OPCML: variants seen among roughly 807,000 people sequenced by gnomAD.
The protein encoded by OPCML is opioid-binding protein/cell adhesion molecule.
OPCML carries 13 observed loss-of-function variants against 37.8 expected under a neutral mutation model. The observed-to-expected ratio is 0.34, with a 90% CI of 0.22 to 0.55. The LOEUF is 0.55. Among genes scored for constraint, OPCML ranks in the 20% least tolerant of loss-of-function variants. The pLI is 0.91. For missense variants in OPCML, 341 were observed against 435.6 expected (o/e 0.78, Z 1.93); for synonymous variants, 176 against 168.8 (o/e 1.04, Z -0.33).
intron 1 of OPCML, among the ~76,000 whole-genome samples, chr11:133,457,745 C>G (rs1206752018): frequency 6.6e-6 from 1 of 152,088 alleles, no homozygotes; most frequent in Non-Finnish European, 1.5e-5. Flanking sequence ...ATGACATTCA[C>G]AGATAACTAA....
intron 1 of OPCML, among the ~76,000 whole-genome samples, chr11:133,229,021 G>GA (rs949223535): frequency 2.0e-5 from 3 of 152,232 alleles, no homozygotes; most frequent in Non-Finnish European, 2.9e-5. Context: ...CTTCTTATCA[G>GA]AAAAAATCCA....
At position 132,424,622 on chromosome 11, in the gene OPCML, T is replaced by C. The variant is rs146721494; in HGVS notation, c.917-4329A>G. On this transcript the variant is annotated intron_variant, in intron 7 of 7. Transcript: ENST00000524381. ...TGACCGCAATCTGGCAATGTTGGAG[T>C]TGGACCCATTTGGATTTAAATTCTG... 4.2e-3 allele frequency among the ~76,000 whole-genome samples: 640 copies of C among 152,208 alleles called. 4 individuals carry two copies. Among genetic ancestry groups the C allele is most frequent in the African/African-American group, 0.015 (613 of 41,534 alleles).
At chr11:132,563,364 AG>A (rs1207378614) in intron 3 of OPCML, among the ~76,000 whole-genome samples, 1 of 151,986 alleles carries the variant, frequency 6.6e-6, no homozygotes, top group Non-Finnish European at 1.5e-5. Flanking sequence ...AGTGAGAAAG[AG>A]GTGTGTGTAT....
intron 1 of OPCML, among the ~76,000 whole-genome samples, chr11:133,201,658 A>T (rs1336041441): frequency 6.6e-6 from 1 of 152,186 alleles, no homozygotes; most frequent in Non-Finnish European, 1.5e-5. Context: ...GAAGGAGAGG[A>T]GAAAAAGATG....
At chr11:132,725,791 A>T (rs1944858252) in intron 2 of OPCML, among the ~76,000 whole-genome samples, 1 of 151,484 alleles carries the variant, frequency 6.6e-6, no homozygotes, top group African/African-American at 2.4e-5. Context: ...AAAAAAAAAA[A>T]AAAAAGAAAG....
intron 2 of OPCML, among the ~76,000 whole-genome samples, chr11:132,752,409 A>C (rs1303110528): frequency 6.6e-6 from 1 of 152,170 alleles, no homozygotes; most frequent in East Asian, 1.9e-4. Context: ...ACACATTATA[A>C]TATTAATCAA....
chr11:133,242,918 T>C (rs1265291935), intron 1 of OPCML, among the ~76,000 whole-genome samples: 1 of 152,202 alleles, frequency 6.6e-6, no homozygotes, highest in Non-Finnish European at 1.5e-5. Flanking sequence ...AAATACATTT[T>C]AGAAAAAAAT....
chr11:133,024,498 T>C (rs899150665), intron 1 of OPCML: 1 of 985,228 alleles, frequency 1.0e-6, no homozygotes, highest in Non-Finnish European at 1.2e-6. Flanking sequence ...GGTAATGAGA[T>C]GTAGAGTTTA....
chr11:132,725,793 A>G (rs73035564), intron 2 of OPCML, among the ~76,000 whole-genome samples: 14,290 of 151,472 alleles, frequency 0.094, 819 homozygotes, highest in African/African-American at 0.15. Flanking sequence ...AAAAAAAAAA[A>G]AAAGAAAGAA....
chr11:132,972,243 G>A (rs1487246853), intron 1 of OPCML, among the ~76,000 whole-genome samples: 2 of 152,098 alleles, frequency 1.3e-5, no homozygotes, highest in African/African-American at 2.4e-5. Context: ...CCAGTCCTGC[G>A]GTGTGATTTT....
chr11:132,747,378 T>C (rs983316107), intron 2 of OPCML, among the ~76,000 whole-genome samples: 2 of 152,176 alleles, frequency 1.3e-5, no homozygotes, highest in African/African-American at 4.8e-5. Context: ...GCAGATTCTT[T>C]TGGGACCATG....
At position 132,982,326 on chromosome 11, in the gene OPCML, C is replaced by A. The variant is rs745786154; in HGVS notation, c.62-39316G>T. Among the ~76,000 whole-genome samples, 41 of 141,432 alleles carry A rather than the reference C, an allele frequency of 2.9e-4. 1 individual carries two copies. Among genetic ancestry groups the A allele is most frequent in the African/African-American group, 9.8e-4 (35 of 35,656 alleles). The allele number at this position is 141,432 out of a possible 152,430, so 92.8% of individuals were successfully genotyped here. ...CCCTCTCTCCTTTGAACACCTCTAC[C>A]TTTCTCTCCCTCCTTAACGCTTATA... On this transcript the variant is annotated intron_variant, in intron 1 of 7. Transcript: ENST00000524381.
intron 1 of OPCML, among the ~76,000 whole-genome samples, chr11:133,290,643 A>T (rs187675121): frequency 1.3e-5 from 2 of 152,290 alleles, no homozygotes; most frequent in African/African-American, 2.4e-5. Flanking sequence ...GTGCCAGGAG[A>T]TGTCACCAGA....
intron 3 of OPCML, among the ~76,000 whole-genome samples, chr11:132,532,265 T>C (rs756251992): frequency 3.3e-5 from 5 of 152,132 alleles, no homozygotes; most frequent in Non-Finnish European, 7.4e-5. Context: ...CTTTCCTCTG[T>C]AGCTCCGTCA....
intron 2 of OPCML, among the ~76,000 whole-genome samples, chr11:132,747,524 G>A (rs575782696): frequency 4.2e-4 from 64 of 152,270 alleles, no homozygotes; most frequent in African/African-American, 1.5e-3. Flanking sequence ...CCAGGAACTG[G>A]AGGAATCACT....
intron 1 of OPCML, among the ~76,000 whole-genome samples, chr11:133,194,288 G>T (rs1267694645): frequency 6.9e-6 from 1 of 143,954 alleles, no homozygotes; most frequent in East Asian, 2.1e-4. Context: ...TCGGCTCACT[G>T]CAACCTCCGC....
intron 1 of OPCML, among the ~76,000 whole-genome samples, chr11:132,980,762 T>C (rs181602664): frequency 1.3e-4 from 20 of 152,330 alleles, no homozygotes; most frequent in African/African-American, 4.8e-4. Flanking sequence ...CATTTGGAAC[T>C]AGAACAACGG....
intron 2 of OPCML, among the ~76,000 whole-genome samples, chr11:132,936,686 G>A (rs1433790587): frequency 2.0e-5 from 3 of 152,118 alleles, no homozygotes; most frequent in Non-Finnish European, 4.4e-5. Flanking sequence ...GTGCTGAGCA[G>A]CCTAGATATC....
At chr11:133,411,238 A>G (rs1945644841) in intron 1 of OPCML, among the ~76,000 whole-genome samples, 1 of 152,236 alleles carries the variant, frequency 6.6e-6, no homozygotes, top group African/African-American at 2.4e-5. Flanking sequence ...GGAAGTACAC[A>G]TGAGAGAGCT....
Sources: gnomAD v4.1 joint callset for allele counts (sites outside exome capture counted in the v4.1 genomes callset) on GRCh38, gnomAD v4.1.1 for gene constraint, MANE v1.5 for transcripts, NCBI Gene and HGNC (gene_info 2026-07-23, HGNC 2026-07-21) for gene names.